The following AXDND1 variants were observed in gnomAD, a reference collection of about 807,000 sequenced individuals.
AXDND1 encodes the protein axonemal dynein light chain domain containing 1.
In AXDND1, 110 loss-of-function variants were observed where a neutral mutation model predicts 137.5. The observed-to-expected ratio is 0.80, with a 90% CI of 0.69 to 0.94. The LOEUF (loss-of-function observed/expected upper bound fraction) is 0.94, where lower values mean the gene tolerates loss of function less well. Ranked by LOEUF, AXDND1 falls within the 40% of genes least tolerant of loss-of-function variation. The pLI is 0.00. For missense variants in AXDND1, 1,191 were observed against 1,169.8 expected, an observed-to-expected ratio of 1.02 and a Z score of -0.26; for synonymous variants, 414 against 399.7, an observed-to-expected ratio of 1.04 and a Z score of -0.43.
intron 12 of AXDND1, among the ~76,000 whole-genome samples, chr1:179,418,826 G>A (rs923678171): frequency 2.0e-5 from 3 of 151,832 alleles, no homozygotes; most frequent in Non-Finnish European, 4.4e-5. Flanking sequence ...CAGACGGGGC[G>A]GCTGCCGGGC....
At chr1:179,474,388 G>T (rs569826488) in intron 17 of AXDND1, among the ~76,000 whole-genome samples, 4 of 152,208 alleles carry the variant, frequency 2.6e-5, no homozygotes, top group African/African-American at 9.6e-5. Context: ...AGTTTGGAGG[G>T]CTCAGAGGAA....
intron 16 of AXDND1, among the ~76,000 whole-genome samples, chr1:179,459,714 TTTTC>T (rs1661957035): frequency 1.4e-5 from 2 of 146,054 alleles, no homozygotes; most frequent in Admixed American, 6.8e-5. Context: ...CTTTCTTTCT[TTTTC>T]TTTCTTTCCT....
chr1:179,504,628 G>T (rs1315854752), intron 20 of AXDND1, among the ~76,000 whole-genome samples: 1 of 152,156 alleles, frequency 6.6e-6, no homozygotes, highest in African/African-American at 2.4e-5. Flanking sequence ...TCCAGATGAG[G>T]AGATTTTGTG....
At chr1:179,385,135 C>A in intron 8 of AXDND1, 103 bp from the exon 9 acceptor site, 1 of 919,310 alleles carries the variant, frequency 1.1e-6, no homozygotes, top group South Asian at 1.7e-5. Context: ...ATAAATTAAT[C>A]AACGTGTTTC....
At chr1:179,519,112 G>C (rs1280493443) in intron 21 of AXDND1, among the ~76,000 whole-genome samples, 5 of 152,092 alleles carry the variant, frequency 3.3e-5, no homozygotes, top group Non-Finnish European at 5.9e-5. Flanking sequence ...AGCTCATTAT[G>C]GTTTTGAGTT....
At chr1:179,382,288 C>A (rs1195569611) in intron 6 of AXDND1, among the ~76,000 whole-genome samples, 1 of 151,830 alleles carries the variant, frequency 6.6e-6, no homozygotes, top group African/African-American at 2.4e-5. Flanking sequence ...ATCATGTTGG[C>A]CAGGCTGGTT....
chr1:179,436,293 C>G lies in AXDND1; in HGVS notation c.1563+3951C>G, dbSNP rs572123918. On this transcript the variant is annotated intron_variant, in intron 15 of 25. Coordinates refer to ENST00000367618, the MANE Select transcript of AXDND1 (RefSeq NM_144696.6). ...TGTGGAAGACAATGTAGTGATGCCT[C>G]AAGGATCTAGAACTAGAAATACCAT... Among the ~76,000 whole-genome samples the G allele has an allele frequency of 9.9e-5, 15 of 152,236 alleles. No homozygotes were observed. In the South Asian group the frequency reaches 3.1e-3, roughly 32 times the overall value.
chr1:179,388,027 T>G (rs1044178644), intron 9 of AXDND1, among the ~76,000 whole-genome samples: 6 of 152,232 alleles, frequency 3.9e-5, no homozygotes, highest in Non-Finnish European at 8.8e-5. Context: ...CTCTGTCTCC[T>G]TAACTCAGAG....
chr1:179,528,541 G>T, intron 23 of AXDND1, 110 bp downstream of exon 23: 1 of 538,668 alleles, frequency 1.9e-6, no homozygotes, highest in Non-Finnish European at 3.1e-6. Context: ...GGATTCCTAA[G>T]TCATGTATTT....
intron 20 of AXDND1, among the ~76,000 whole-genome samples, chr1:179,509,024 G>A (rs1668781515): frequency 6.6e-6 from 1 of 152,142 alleles, no homozygotes. Context: ...TTAGACATTA[G>A]TAAATAAAAC....
chr1:179,412,330 T>G (rs1180163236), intron 12 of AXDND1, among the ~76,000 whole-genome samples: 1 of 152,222 alleles, frequency 6.6e-6, no homozygotes, highest in African/African-American at 2.4e-5. Context: ...GTACAGTGAA[T>G]TTTGATCCTC....
At chr1:179,403,756 T>C (rs1652488005) in intron 11 of AXDND1, among the ~76,000 whole-genome samples, 1 of 152,098 alleles carries the variant, frequency 6.6e-6, no homozygotes, top group African/African-American at 2.4e-5. Flanking sequence ...GTATTTTTAG[T>C]AGAGACAGGG....
chr1:179,418,134 C>T (rs866418295), intron 12 of AXDND1, among the ~76,000 whole-genome samples: 59 of 151,660 alleles, frequency 3.9e-4, no homozygotes, highest in African/African-American at 1.3e-3. Flanking sequence ...GAGGACCCTG[C>T]GGCCTTCCGC....
chr1:179,486,596 T>TGCAAA (rs1428475755), intron 18 of AXDND1, among the ~76,000 whole-genome samples: 2 of 148,762 alleles, frequency 1.3e-5, no homozygotes, highest in Non-Finnish European at 3.0e-5. Context: ...GCAGGTCACC[T>TGCAAA]GCAAAGCAAA....
At chr1:179,544,483 C>T (rs1399820515) in intron 25 of AXDND1, 1 of 151,986 alleles carries the variant, frequency 6.6e-6, no homozygotes, top group African/African-American at 2.4e-5. Flanking sequence ...AGACCAGACT[C>T]GCCAACGTGG....
chr1:179,483,030 A>G, intron 17 of AXDND1, 98 bp from the exon 18 acceptor site: 4 of 754,404 alleles, frequency 5.3e-6, no homozygotes, highest in African/African-American at 1.8e-5. Context: ...ATCTAAGTTT[A>G]CAATACCCAG....
Position 179,522,656 on chromosome 1 carries a change from A to C in AXDND1, c.2497-2678A>C, listed in dbSNP as rs757650400. On this transcript the variant is annotated intron_variant, in intron 21 of 25. Coordinates refer to ENST00000367618, the MANE Select transcript of AXDND1 (RefSeq NM_144696.6). The stretch of plus-strand genomic sequence containing the variant: ...TATAGAATATAAGATATATTATCTC[A>C]TTTATATTAAAATGTTTATAGATGC... 2.6e-4 allele frequency among the ~76,000 whole-genome samples: 40 copies of C among 151,954 alleles called. 1 individual carries two copies. Among genetic ancestry groups the C allele is most frequent in the Middle Eastern group, 7.1e-3 (2 of 282 alleles).
At chr1:179,476,020 C>T (rs1664582632) in intron 17 of AXDND1, among the ~76,000 whole-genome samples, 1 of 152,132 alleles carries the variant, frequency 6.6e-6, no homozygotes, top group South Asian at 2.1e-4. Context: ...TTCTCTTTTT[C>T]CTGCTGCCTT....
chr1:179,409,937 T>C (rs183078994), intron 11 of AXDND1, among the ~76,000 whole-genome samples: 3 of 152,320 alleles, frequency 2.0e-5, no homozygotes, highest in Admixed American at 2.0e-4. Context: ...TTGTTGGACA[T>C]TGAGATTGTT....
Sources: gnomAD v4.1 joint callset for allele counts (sites outside exome capture counted in the v4.1 genomes callset) on GRCh38, gnomAD v4.1.1 for gene constraint, MANE v1.5 for transcripts, NCBI Gene and HGNC (gene_info 2026-07-23, HGNC 2026-07-21) for gene names.